The following GPS1 variants were observed in gnomAD, a reference collection of about 807,000 sequenced individuals.
GPS1 encodes G protein pathway suppressor 1, also known as COP9 signalosome complex subunit 1.
GPS1 carries 11 observed loss-of-function variants against 60.0 expected under a neutral mutation model. The observed-to-expected ratio is 0.18, with a 90% CI of 0.12 to 0.30. The LOEUF (loss-of-function observed/expected upper bound fraction) is 0.30. Among genes scored for constraint, GPS1 ranks in the 10% least tolerant of loss-of-function variants. The pLI, the probability that GPS1 is intolerant of heterozygous loss-of-function variation, is 1.00. For missense variants in GPS1, 543 were observed against 669.2 expected (o/e 0.81, Z 2.08); for synonymous variants, 343 against 269.8 (o/e 1.27, Z -2.66).
chr17:82,053,482 G>C (rs530031979), intron 2 of GPS1, 116 bp downstream of exon 2: 2 of 745,780 alleles, frequency 2.7e-6, no homozygotes, highest in African/African-American at 1.8e-5. Flanking sequence ...GATCGCTGTC[G>C]TCTTTTTCTG....
chr17:82,056,170 C>A, intron 8 of GPS1, 75 bp downstream of exon 8: 2 of 1,376,946 alleles, frequency 1.5e-6, no homozygotes, highest in Non-Finnish European at 2.1e-6. Context: ...CCTTGCATGT[C>A]CTGGCCCCCT....
At chr17:82,051,831 C>T, upstream of GPS1, 2 of 1,137,366 alleles carry the variant, frequency 1.8e-6, no homozygotes, top group Non-Finnish European at 2.2e-6. The surrounding 1 kb of genome is among the most constrained non-coding windows in gnomAD (Gnocchi z 4.1). Flanking sequence ...TGGGCGGCGG[C>T]CCCTTTAAGA....
chr17:82,053,463 C>A, intron 2 of GPS1, 97 bp downstream of exon 2: 1 of 874,516 alleles, frequency 1.1e-6, no homozygotes, highest in Non-Finnish European at 1.6e-6. Flanking sequence ...TAGAATGATC[C>A]TCCTCAGTGA....
chr17:82,051,105 G>A (rs992275011), upstream of GPS1: 7 of 1,354,940 alleles, frequency 5.2e-6, no homozygotes, highest in Non-Finnish European at 6.6e-6. This position sits in a 1 kb window ranked among gnomAD's most constrained non-coding sequence, Gnocchi z 4.1. Flanking sequence ...AGAGGCTGGT[G>A]GGGAGCAGAG....
intron 3 of GPS1, 194 bp downstream of exon 3, chr17:82,054,243 G>T: frequency 1.3e-6 from 1 of 742,126 alleles, no homozygotes; most frequent in South Asian, 1.9e-5. Context: ...TGCATGCAGG[G>T]CTTTGATTCC....
At position 82,053,763 on chromosome 17, in the gene GPS1, C is replaced by T. The variant is rs552585344; in HGVS notation, c.127-105C>T. On this transcript the variant is annotated intron_variant, in intron 2 of 12. Transcript: ENST00000578552. ...CCCGGTTCTGGTTATGGGCCCAGGG[C>T]GACATTCTGGCTAGGACAGTCAGGC... The T allele has an allele frequency of 1.1e-5, 13 of 1,163,328 alleles. No individual in the cohort carries two copies. The East Asian group carries it at 1.5e-4, about 13-fold the overall frequency. 72.1% of individuals were successfully genotyped at this position (1,163,328 alleles called of 1,614,324 possible). A position where few individuals can be genotyped will look rare whatever the true frequency, so the allele number is the denominator to read the frequency against.
intron 1 of GPS1, chr17:82,052,443 G>A (rs375617874): frequency 3.7e-6 from 6 of 1,611,664 alleles, no homozygotes; most frequent in Non-Finnish European, 5.1e-6. Context: ...CTGTCGGCCT[G>A]TACGCTGCTC....
chr17:82,056,557 G>A lies in GPS1; in HGVS notation c.1116+7G>A, dbSNP rs143431508. ...CAACCGTGCCCTCATCCAGGTAAGC[G>A]TGGGGGTCAGGCTGGCACACGGCAG... is the stretch of plus-strand genomic sequence containing the variant. On this transcript the variant is annotated splice_region_variant and intron_variant, in intron 10 of 12. Transcript: ENST00000578552. The A allele has an allele frequency of 2.5e-3, 4,084 of 1,612,752 alleles. 32 individuals carry two copies. The highest frequency in any genetic ancestry group is 0.014 in the South Asian group (1,260 of 91,076).
At chr17:82,056,230 C>T (rs2032714248) in intron 8 of GPS1, 56 bp from the exon 9 acceptor site, 1 of 1,400,344 alleles carries the variant, frequency 7.1e-7, no homozygotes, top group Non-Finnish European at 1.0e-6. Flanking sequence ...GTCCCACTGG[C>T]CACTTGGAGG....
Position 82,054,822 on chromosome 17 carries a change from T to A in GPS1, c.609+12T>A. 1 of 1,584,402 alleles carries A rather than the reference T, an allele frequency of 6.3e-7. No homozygotes were observed. The highest frequency in any genetic ancestry group is 8.6e-7 in the Non-Finnish European group (1 of 1,163,184). ...TCAATGTCATCAAGGTCGGCCTGCCTCGGCGGGCGGGGGTGGGCAGCATGG... is the reference window on the plus strand; with the variant it reads ...TCAATGTCATCAAGGTCGGCCTGCCACGGCGGGCGGGGGTGGGCAGCATGG... On this transcript the variant is annotated intron_variant, in intron 4 of 12. Coordinates refer to ENST00000578552, the MANE Select transcript of GPS1 (RefSeq NM_001321092.3).
intron 3 of GPS1, 101 bp downstream of exon 3, chr17:82,054,150 G>A (rs545961608): frequency 5.9e-6 from 8 of 1,348,066 alleles, no homozygotes; most frequent in African/African-American, 1.5e-5. Context: ...CCACCCCTGT[G>A]CTGGGAAGTC....
At chr17:82,053,588 C>G in intron 2 of GPS1, 1 of 522,020 alleles carries the variant, frequency 1.9e-6, no homozygotes, top group Non-Finnish European at 3.3e-6. Flanking sequence ...CAGGTCTCCT[C>G]CCCGCTCAGC....
Position 82,055,219 on chromosome 17 carries a change from G to T in GPS1, c.745G>T (p.Ala249Ser). The T allele has an allele frequency of 6.4e-7, 1 of 1,553,026 alleles. No individual in the cohort carries two copies. The highest frequency in any genetic ancestry group is 8.7e-7 in the Non-Finnish European group (1 of 1,148,348). The change falls in exon 6 of 13, where the codon GCA becomes TCA. Residue 249 changes from alanine (A) to serine (S), a missense_variant. By Grantham distance (99) the Ala-to-Ser change is moderately conservative. Around this residue, in one of 3 missense-constraint regions of GPS1, gnomAD observed 291 missense variants for 353.7 expected, o/e 0.82. Transcript: ENST00000578552. ...CATCCTCACCAAGCTCAAGTGTGCCGCAGGTGAGGGCCTGGGTCACGCCCA... is the reference window on the plus strand; with the variant it reads ...CATCCTCACCAAGCTCAAGTGTGCCTCAGGTGAGGGCCTGGGTCACGCCCA... The part of the protein sequence containing the change: ...QAILTKLKCA[A>S]GLAELAARKY...
chr17:82,057,005 G>T, intron 12 of GPS1, 31 bp downstream of exon 12: 1 of 1,611,988 alleles, frequency 6.2e-7, no homozygotes, highest in Non-Finnish European at 8.5e-7. Context: ...GCAGGCGCAC[G>T]GCGTGTGGGG....
chr17:82,052,671 C>T (rs1422630383), intron 1 of GPS1: 5 of 597,624 alleles, frequency 8.4e-6, no homozygotes, highest in Non-Finnish European at 1.2e-5. Context: ...CCCACGGGTC[C>T]GGCGAGTGCC....
chr17:82,051,406 G>A, upstream of GPS1: 1 of 1,404,556 alleles, frequency 7.1e-7, no homozygotes, highest in Non-Finnish European at 9.2e-7. The surrounding 1 kb of genome is among the most constrained non-coding windows in gnomAD (Gnocchi z 4.1). Context: ...GACCCGCCCC[G>A]CGCGGAGCCT....
At chr17:82,054,309 C>A in intron 3 of GPS1, 1 of 827,872 alleles carries the variant, frequency 1.2e-6, no homozygotes, top group Non-Finnish European at 1.8e-6. Flanking sequence ...GGTTTCCCCA[C>A]CCGGCTGTAG....
rs376089228 is a variant in GPS1, at chr17:82,052,226, C to G, written c.33+262C>G. The G allele has an allele frequency of 2.9e-5, 46 of 1,584,478 alleles. No individual in the cohort carries two copies. The South Asian group carries it at 4.6e-4, about 16-fold the overall frequency. ...AGCTCACGGGAGAGGTTCCCGGCCG[C>G]CCCGACGCTAACGCTCTTTCTCCCT... On this transcript the variant is annotated intron_variant, in intron 1 of 12. Transcript: ENST00000578552.
chr17:82,052,871 T>A, intron 1 of GPS1: 1 of 247,904 alleles, frequency 4.0e-6, no homozygotes, highest in South Asian at 7.1e-5. Context: ...TCCTCCTGCC[T>A]CCTGGGGTTG....
Sources: allele counts gnomAD v4.1 joint callset, GRCh38; gene constraint gnomAD v4.1.1; regional missense constraint gnomAD v4.1.1; non-coding constraint Gnocchi (gnomAD v3.1); transcripts MANE v1.5; gene names NCBI Gene and HGNC (gene_info 2026-07-23, HGNC 2026-07-21).